SPSB1: variants seen among roughly 807,000 people sequenced by gnomAD.
SPSB1 encodes SPRY domain-containing SOCS box protein 1.
A neutral mutation model predicts 21.2 loss-of-function variants in SPSB1; 8 were observed. That is an observed-to-expected ratio of 0.38 (90% CI 0.22 to 0.68). The LOEUF (loss-of-function observed/expected upper bound fraction) is 0.68. Among genes scored for constraint, SPSB1 ranks in the 30% least tolerant of loss-of-function variants. The pLI is 0.53. For synonymous variants in SPSB1, 169 were observed against 161.7 expected, an observed-to-expected ratio of 1.05 and a Z score of -0.34; for missense variants, 242 against 377.8, an observed-to-expected ratio of 0.64 and a Z score of 2.98.
In SPSB1 at chr1:9,324,507, G is replaced by C. The variant is rs1569598691; in HGVS notation, c.-149-31236G>C. Among the ~76,000 whole-genome samples, 1 of 43,144 alleles carries C rather than the reference G, an allele frequency of 2.3e-5. No individual in the cohort carries two copies. Among genetic ancestry groups the C allele is most frequent in the Non-Finnish European group, 9.4e-5 (1 of 10,588 alleles). The allele number at this position is 43,144 out of a possible 152,430, so 28.3% of individuals were successfully genotyped here. A position where few individuals can be genotyped will look rare whatever the true frequency, so the allele number is the denominator to read the frequency against. Reference sequence around the variant, plus strand: ...CTCTGGAGGGTCGGCTCGGAGGGCTGTGGGCCCGGGACTCGGTGTGTCCGA... The same window carrying C: ...CTCTGGAGGGTCGGCTCGGAGGGCTCTGGGCCCGGGACTCGGTGTGTCCGA... On this transcript the variant is annotated intron_variant, in intron 1 of 2. Transcript: ENST00000328089. The surrounding 1 kb of genome is among the most constrained non-coding windows in gnomAD (Gnocchi z 4.3).
intron 1 of SPSB1, among the ~76,000 whole-genome samples, chr1:9,349,839 A>C (rs748432036): frequency 4.6e-5 from 7 of 152,048 alleles, no homozygotes; most frequent in African/African-American, 1.7e-4. Context: ...TTGTGGGAAA[A>C]TGTTGCTAGG....
At position 9,348,283 on chromosome 1, in the gene SPSB1, T is replaced by G. The variant is rs1381091218; in HGVS notation, c.-149-7460T>G. Among the ~76,000 whole-genome samples the G allele has an allele frequency of 6.6e-6, 1 of 152,090 alleles. No individual in the cohort carries two copies. The highest frequency in any genetic ancestry group is 1.5e-5 in the Non-Finnish European group (1 of 68,016). ...GCATCCCACAGCACTGTCTCGCTCCTGTCTCGGCGGTAGTGCTGTGTCTAG... is the reference window on the plus strand; with the variant it reads ...GCATCCCACAGCACTGTCTCGCTCCGGTCTCGGCGGTAGTGCTGTGTCTAG... On this transcript the variant is annotated intron_variant, in intron 1 of 2. Coordinates refer to ENST00000328089, the MANE Select transcript of SPSB1 (RefSeq NM_025106.4). This position sits in a 1 kb window ranked among gnomAD's most constrained non-coding sequence, Gnocchi z 4.8.
chr1:9,299,963 CAAAAA>C (rs549304734), intron 1 of SPSB1, among the ~76,000 whole-genome samples: 1 of 88,318 alleles, frequency 1.1e-5, no homozygotes, highest in African/African-American at 3.6e-5. Context: ...GACCCTGTCT[CAAAAA>C]AAAAAAAAAA....
chr1:9,314,193 A>T (rs1192906566), intron 1 of SPSB1, among the ~76,000 whole-genome samples: 1 of 151,778 alleles, frequency 6.6e-6, no homozygotes, highest in African/African-American at 2.4e-5. Context: ...AAAAACAAAA[A>T]ACAAAAAAAA....
At chr1:9,302,460 T>C (rs918696906) in intron 1 of SPSB1, among the ~76,000 whole-genome samples, 4 of 152,184 alleles carry the variant, frequency 2.6e-5, no homozygotes, top group African/African-American at 9.7e-5. Context: ...GGGGAGGATC[T>C]GCCCTCCATG....
intron 1 of SPSB1, among the ~76,000 whole-genome samples, chr1:9,342,843 C>T (rs1328851923): frequency 6.6e-6 from 1 of 152,254 alleles, no homozygotes; most frequent in Non-Finnish European, 1.5e-5. Flanking sequence ...GAGGCCTGGA[C>T]TGCAGCAATT....
chr1:9,350,813 C>A (rs1053109699), intron 1 of SPSB1, among the ~76,000 whole-genome samples: 5 of 152,230 alleles, frequency 3.3e-5, no homozygotes, highest in Admixed American at 3.3e-4. Flanking sequence ...CACTGCTGGG[C>A]CCCACAAGGC....
At chr1:9,313,513 A>G (rs1639559896) in intron 1 of SPSB1, among the ~76,000 whole-genome samples, 1 of 152,214 alleles carries the variant, frequency 6.6e-6, no homozygotes, top group Non-Finnish European at 1.5e-5. Flanking sequence ...ACTGCTGCCC[A>G]CATGACCTCT....
intron 1 of SPSB1, among the ~76,000 whole-genome samples, chr1:9,349,281 C>T (rs11580745): frequency 0.093 from 14,180 of 152,264 alleles, 835 homozygotes; most frequent in East Asian, 0.29. Flanking sequence ...TCCCCGAGCC[C>T]AGCCCTCCCG....
chr1:9,338,417 C>T (rs1277300207), intron 1 of SPSB1, among the ~76,000 whole-genome samples: 1 of 152,190 alleles, frequency 6.6e-6, no homozygotes, highest in African/African-American at 2.4e-5. Flanking sequence ...CGCCTAAGGC[C>T]CCTCCAGGAC....
At chr1:9,342,215 T>C (rs535652845) in intron 1 of SPSB1, among the ~76,000 whole-genome samples, 30 of 152,272 alleles carry the variant, frequency 2.0e-4, no homozygotes, top group African/African-American at 7.0e-4. Context: ...CAGGAGAGGA[T>C]CCGTGGGCAG....
chr1:9,293,109 G>T lies in SPSB1; in HGVS notation c.-150+38G>T. The T allele has an allele frequency of 1.0e-6, 1 of 977,588 alleles. No homozygotes were observed. The highest frequency in any genetic ancestry group is 1.2e-6 in the Non-Finnish European group (1 of 824,332). 60.6% of individuals were successfully genotyped at this position (977,588 alleles called of 1,614,324 possible). A position where few individuals can be genotyped will look rare whatever the true frequency, so the allele number is the denominator to read the frequency against. ...GGGCACCTGGGACCCCGATGGGTGG[G>T]CGACCGGCCCGGGAGGGGGAGGCGC... On this transcript the variant is annotated intron_variant, in intron 1 of 2. Transcript: ENST00000328089. This position sits in a 1 kb window ranked among gnomAD's most constrained non-coding sequence, Gnocchi z 5.1.
At chr1:9,350,336 C>G (rs1640236556) in intron 1 of SPSB1, among the ~76,000 whole-genome samples, 1 of 152,144 alleles carries the variant, frequency 6.6e-6, no homozygotes, top group African/African-American at 2.4e-5. Context: ...GGGGTACAGG[C>G]CAGGCATTGG....
chr1:9,303,710 G>T (rs560937681), intron 1 of SPSB1, among the ~76,000 whole-genome samples: 1 of 152,174 alleles, frequency 6.6e-6, no homozygotes, highest in East Asian at 1.9e-4. Context: ...GTAGTGTCAC[G>T]ATAGGTGGAA....
rs1014090923 is a variant in SPSB1 at position 9,352,912 on chromosome 1, G to A, written c.-149-2831G>A. The stretch of plus-strand genomic sequence containing the variant: ...AGAGGGTGAATCTTCCATGACAGAC[G>A]AGATCCCGGGAGAAAGGTCCTCCCT... On this transcript the variant is annotated intron_variant, in intron 1 of 2. Coordinates refer to ENST00000328089, the MANE Select transcript of SPSB1 (RefSeq NM_025106.4). Among the ~76,000 whole-genome samples the A allele has an allele frequency of 6.1e-5, 9 of 147,280 alleles. No homozygotes were observed. In the East Asian group the frequency reaches 6.4e-4, roughly 10 times the overall value.
Position 9,345,108 on chromosome 1 carries a change from G to C in SPSB1, c.-149-10635G>C, listed in dbSNP as rs1354552435. On this transcript the variant is annotated intron_variant, in intron 1 of 2. Transcript: ENST00000328089. The surrounding 1 kb of genome is among the most constrained non-coding windows in gnomAD (Gnocchi z 4.8). ...CCTGAACTCTGGAGTCCCACAGGAG[G>C]CTAGGCTGGAGCGAGGCCCTTCCAG... 1.3e-5 allele frequency among the ~76,000 whole-genome samples: 2 copies of C among 152,190 alleles called. No homozygotes were observed. The highest frequency in any genetic ancestry group is 2.9e-5 in the Non-Finnish European group (2 of 68,030).
At chr1:9,344,899 A>C (rs929523957) in intron 1 of SPSB1, among the ~76,000 whole-genome samples, 7 of 152,126 alleles carry the variant, frequency 4.6e-5, no homozygotes, top group Non-Finnish European at 1.0e-4. Flanking sequence ...CCACTCCCAG[A>C]GGTGACCTTT....
chr1:9,341,860 G>A (rs566986207), intron 1 of SPSB1, among the ~76,000 whole-genome samples: 209 of 152,208 alleles, frequency 1.4e-3, no homozygotes, highest in African/African-American at 4.8e-3. Flanking sequence ...GCACCACCAC[G>A]CCCAGCTAAT....
intron 1 of SPSB1, among the ~76,000 whole-genome samples, chr1:9,302,249 C>G (rs572216987): frequency 6.6e-6 from 1 of 152,204 alleles, no homozygotes; most frequent in Non-Finnish European, 1.5e-5. Context: ...TTTTGGATGT[C>G]AACTTGACTA....
Sources: allele counts gnomAD v4.1 joint callset (sites outside exome capture counted in the v4.1 genomes callset), GRCh38; gene constraint gnomAD v4.1.1; non-coding constraint Gnocchi (gnomAD v3.1); transcripts MANE v1.5; gene names NCBI Gene and HGNC (gene_info 2026-07-23, HGNC 2026-07-21).